Variants in SCG3 observed in about 807,000 individuals in gnomAD.
The protein encoded by SCG3 is secretogranin-3.
A neutral mutation model predicts 56.2 loss-of-function variants in SCG3; 38 were observed. The ratio of observed to expected loss-of-function variants is 0.68; its 90% CI spans 0.52 to 0.89. SCG3 has a LOEUF of 0.89. SCG3 is among the 40% of genes least tolerant of loss of function. The pLI, the probability that SCG3 is intolerant of heterozygous loss-of-function variation, is 0.00. For missense variants in SCG3, 524 were observed against 540.7 expected (o/e 0.97, Z 0.31); for synonymous variants, 176 against 184.2 (o/e 0.96, Z 0.36).
At chr15:51,694,237 A>T (rs1473813203) in intron 7 of SCG3, among the ~76,000 whole-genome samples, 5 of 152,064 alleles carry the variant, frequency 3.3e-5, no homozygotes, top group African/African-American at 1.2e-4. Flanking sequence ...CAGGTAGGAA[A>T]CCAAAATATC....
chr15:51,709,384 C>T (rs1178924709), intron 10 of SCG3, among the ~76,000 whole-genome samples: 1 of 151,930 alleles, frequency 6.6e-6, no homozygotes, highest in Admixed American at 6.6e-5. Flanking sequence ...CCATATCAGA[C>T]CCTTACTTAG....
At chr15:51,705,231 CT>C (rs1399316402) in intron 10 of SCG3, among the ~76,000 whole-genome samples, 1 of 152,166 alleles carries the variant, frequency 6.6e-6, no homozygotes, top group Admixed American at 6.5e-5. Context: ...AGGCTACATC[CT>C]TTGACTTGCT....
intron 11 of SCG3, among the ~76,000 whole-genome samples, chr15:51,718,739 T>C (rs573701072): frequency 6.6e-6 from 1 of 152,322 alleles, no homozygotes; most frequent in East Asian, 1.9e-4. Flanking sequence ...ATTTTGTTTG[T>C]TTGTTTGTTT....
chr15:51,693,065 C>A (rs745952983), intron 7 of SCG3, among the ~76,000 whole-genome samples: 16 of 152,152 alleles, frequency 1.1e-4, no homozygotes, highest in Non-Finnish European at 1.6e-4. Context: ...TAGCCCTTGG[C>A]AACTACCATT....
At position 51,689,288 on chromosome 15, in the gene SCG3, G is replaced by T. The variant is rs1233847537; in HGVS notation, c.610G>T (p.Glu204Ter). ...AEVLQKLISK[E>*]ANNYEEDPNK... ...GGTTTTACAAAAATTAATCTCAAAG[G>T]AAGCCAACAATTATGAGGAGGATCC... Residue 204 changes from glutamate (E) to a stop codon, truncating the protein, a stop_gained, in exon 6 of 12, where the codon GAA becomes TAA. Coordinates refer to ENST00000220478, the MANE Select transcript of SCG3 (RefSeq NM_013243.4). LOFTEE classifies it high-confidence loss of function. 6.2e-7 allele frequency: 1 copy of T among 1,613,900 alleles called. No individual in the cohort carries two copies. Among genetic ancestry groups the T allele is most frequent in the East Asian group, 2.2e-5 (1 of 44,872 alleles).
chr15:51,698,590 T>A (rs9672605), intron 8 of SCG3, among the ~76,000 whole-genome samples: 4 of 152,080 alleles, frequency 2.6e-5, no homozygotes, highest in Non-Finnish European at 4.4e-5. Flanking sequence ...TTGCCACGTA[T>A]AACTGGAGAA....
intron 10 of SCG3, among the ~76,000 whole-genome samples, chr15:51,702,069 A>G (rs2055343216): frequency 6.6e-6 from 1 of 152,190 alleles, no homozygotes; most frequent in South Asian, 2.1e-4. Context: ...TGTACCCTAG[A>G]ACTTAAAGTA....
intron 4 of SCG3, among the ~76,000 whole-genome samples, chr15:51,684,974 G>A (rs79654330): frequency 0.013 from 1,914 of 152,312 alleles, 26 homozygotes; most frequent in East Asian, 0.025. Context: ...GTGCTTAGGA[G>A]TAAGTACAGG....
chr15:51,688,310 G>C lies in SCG3; in HGVS notation c.448G>C (p.Asp150His), dbSNP rs1185951719. 3 of 1,613,896 alleles carry C rather than the reference G, an allele frequency of 1.9e-6. No individual in the cohort carries two copies. The highest frequency in any genetic ancestry group is 8.5e-7 in the Non-Finnish European group (1 of 1,179,842). ...AGACGGGACTCCTTTAACCGCTGAA[G>C]ACATTGTCCATAAAATCGCTGCCAG... ...QLDGTPLTAE[D>H]IVHKIAARIY... The change falls in exon 5 of 12, where the codon GAC becomes CAC. Residue 150 changes from aspartate to histidine, a missense_variant. Asp to His is a moderately conservative substitution (Grantham distance 81). Transcript: ENST00000220478.
intron 10 of SCG3, among the ~76,000 whole-genome samples, chr15:51,706,297 G>A (rs1315135367): frequency 5.9e-5 from 9 of 152,122 alleles, no homozygotes; most frequent in Non-Finnish European, 5.9e-5. Context: ...AGCTACAGAA[G>A]GAATATAAGA....
chr15:51,685,085 A>G (rs892916982), intron 4 of SCG3, among the ~76,000 whole-genome samples: 1 of 152,256 alleles, frequency 6.6e-6, no homozygotes, highest in Non-Finnish European at 1.5e-5. Context: ...TTCATAGGAC[A>G]TAATAACCTA....
In SCG3 at chr15:51,712,787, G is replaced by A. The variant is rs1307045910; in HGVS notation, c.1208-546G>A. On this transcript the variant is annotated intron_variant, in intron 10 of 11. Coordinates refer to ENST00000220478, the MANE Select transcript of SCG3 (RefSeq NM_013243.4). ...TTCTAAGGTTTGCCATCCAAACCTT[G>A]AAGTGAGGCACTGGTCGCCTCTTTG... 2.0e-5 allele frequency among the ~76,000 whole-genome samples: 3 copies of A among 152,302 alleles called. No homozygotes were observed. The South Asian group carries it at 6.2e-4, about 32-fold the overall frequency.
At position 51,695,968 on chromosome 15, in the gene SCG3, C is replaced by T. The variant is rs539392045; in HGVS notation, c.962C>T (p.Pro321Leu). ...KMMVKYGTIS[P>L]EEGVSYLENL... ...ATGGTGAAATATGGAACAATATCTC[C>T]AGAAGAAGGTGTTTCCTACCTTGGT... The change falls in exon 8 of 12, where the codon CCA becomes CTA. Residue 321 changes from proline (P) to leucine (L), a missense_variant. By Grantham distance (98) the Pro-to-Leu change is moderately conservative. Transcript: ENST00000220478. 37 of 1,597,136 alleles carry T rather than the reference C, an allele frequency of 2.3e-5. No homozygotes were observed. The South Asian group carries it at 3.1e-4, about 13-fold the overall frequency.
intron 5 of SCG3, among the ~76,000 whole-genome samples, chr15:51,688,884 A>G (rs1269836426): frequency 6.6e-5 from 10 of 152,184 alleles, no homozygotes; most frequent in African/African-American, 2.4e-4. Flanking sequence ...CTTTATTAAG[A>G]TGCTAATTTT....
intron 10 of SCG3, among the ~76,000 whole-genome samples, chr15:51,710,046 T>G (rs1206345975): frequency 6.6e-6 from 1 of 151,668 alleles, no homozygotes; most frequent in African/African-American, 2.4e-5. Flanking sequence ...GGCTTGTAAG[T>G]TTTTTTAAGA....
At chr15:51,704,585 C>T (rs1280830451) in intron 10 of SCG3, among the ~76,000 whole-genome samples, 1 of 150,528 alleles carries the variant, frequency 6.6e-6, no homozygotes, top group Non-Finnish European at 1.5e-5. Context: ...CTTCTGTGAC[C>T]AGCTTACGTA....
At chr15:51,716,707 C>T (rs2055458462) in intron 11 of SCG3, among the ~76,000 whole-genome samples, 1 of 152,212 alleles carries the variant, frequency 6.6e-6, no homozygotes, top group South Asian at 2.1e-4. Context: ...CTCCCCACCA[C>T]CAAGCAAGCA....
In SCG3 at chr15:51,692,265, A is replaced by G; in HGVS notation, c.797A>G (p.Tyr266Cys). 1 of 1,614,088 alleles carries G rather than the reference A, an allele frequency of 6.2e-7. No individual in the cohort carries two copies. Among genetic ancestry groups the G allele is most frequent in the Middle Eastern group, 1.6e-4 (1 of 6,062 alleles). ...TNGLERRTKTYSEDNFEELQY... is the reference protein window; with the variant it reads ...TNGLERRTKTCSEDNFEELQY... ...GGCTTGGAAAGGAGAACTAAAACCT[A>G]CAGTGAAGACAACTTTGAGGAACTC... Residue 266 changes from tyrosine (Y) to cysteine (C), a missense_variant, in exon 7 of 12, where the codon TAC becomes TGC. Tyr to Cys is a radical substitution (Grantham distance 194). Transcript: ENST00000220478.
rs2055484331 is a variant in SCG3, at chr15:51,719,768, T to C, written c.*242T>C. 7 of 475,102 alleles carry C rather than the reference T, an allele frequency of 1.5e-5. No homozygotes were observed. In the East Asian group the frequency reaches 1.8e-4, roughly 12 times the overall value. 29.4% of individuals were successfully genotyped at this position (475,102 alleles called of 1,614,324 possible). A position where few individuals can be genotyped will look rare whatever the true frequency, so the allele number is the denominator to read the frequency against. ...GAATCCTTATTTCCTCATAGACTTATATTTTATAATCAGAATATGTTGCTT... is the reference window on the plus strand; with the variant it reads ...GAATCCTTATTTCCTCATAGACTTACATTTTATAATCAGAATATGTTGCTT... On this transcript the variant is annotated 3_prime_UTR_variant, in exon 12 of 12. Transcript: ENST00000220478.
Sources: gnomAD v4.1 joint callset for allele counts (sites outside exome capture counted in the v4.1 genomes callset) on GRCh38, gnomAD v4.1.1 for gene constraint, MANE v1.5 for transcripts, NCBI Gene and HGNC (gene_info 2026-07-23, HGNC 2026-07-21) for gene names.